Variants in ZNF385B observed in about 807,000 individuals in gnomAD.
ZNF385B encodes the protein zinc finger protein 533.
A neutral mutation model predicts 39.2 loss-of-function variants in ZNF385B; 23 were observed. That is an observed-to-expected ratio of 0.59 (90% CI 0.42 to 0.83). The LOEUF is 0.83. Among genes scored for constraint, ZNF385B ranks in the 40% least tolerant of loss-of-function variants. ZNF385B has a pLI of 0.00. For synonymous variants in ZNF385B, 205 were observed against 222.6 expected, an observed-to-expected ratio of 0.92 and a Z score of 0.70; for missense variants, 552 against 598.9, an observed-to-expected ratio of 0.92 and a Z score of 0.82.
At chr2:179,700,001 T>C (rs1427425508) in intron 3 of ZNF385B, among the ~76,000 whole-genome samples, 1 of 151,990 alleles carries the variant, frequency 6.6e-6, no homozygotes, top group Non-Finnish European at 1.5e-5. Flanking sequence ...TTCCCTGCTC[T>C]CTTCATTGAG....
intron 3 of ZNF385B, among the ~76,000 whole-genome samples, chr2:179,562,899 T>C (rs934062703): frequency 6.6e-6 from 1 of 152,216 alleles, no homozygotes. Context: ...ACTAAATCTT[T>C]TAAAATTGCT....
chr2:179,826,281 T>C (rs1308045395), intron 1 of ZNF385B, among the ~76,000 whole-genome samples: 1 of 152,130 alleles, frequency 6.6e-6, no homozygotes, highest in Non-Finnish European at 1.5e-5. Context: ...AGACTGATAG[T>C]GCTCTGTTTC....
rs183182984 is a variant in ZNF385B, at chr2:179,548,664, A to C, written c.299-3695T>G. On this transcript the variant is annotated intron_variant, in intron 3 of 9. Transcript: ENST00000410066. ...CATAGTGGAAGGCAAAGGAGGAGCA[A>C]AGACATGTCTCACATGGTGGCAGGC... 8.7e-5 allele frequency among the ~76,000 whole-genome samples: 13 copies of C among 149,476 alleles called. 1 individual carries two copies. In the East Asian group the frequency reaches 2.5e-3, roughly 29 times the overall value.
chr2:179,455,803 A>G (rs991744019), intron 6 of ZNF385B, among the ~76,000 whole-genome samples: 1 of 151,390 alleles, frequency 6.6e-6, no homozygotes, highest in Admixed American at 6.6e-5. Context: ...GAGGCAGGAG[A>G]ATCTCTTGAA....
chr2:179,801,119 G>A (rs1387652642), intron 1 of ZNF385B, among the ~76,000 whole-genome samples: 17 of 152,002 alleles, frequency 1.1e-4, no homozygotes, highest in Admixed American at 2.0e-4. Flanking sequence ...GTGCTTTTGT[G>A]TTTATTACCT....
chr2:179,697,538 TAC>T (rs1698859764), intron 3 of ZNF385B, among the ~76,000 whole-genome samples: 2 of 152,174 alleles, frequency 1.3e-5, no homozygotes, highest in Non-Finnish European at 2.9e-5. Context: ...CTTTATAAAT[TAC>T]ACAGTCTCGG....
At chr2:179,631,674 T>C (rs534698321) in intron 3 of ZNF385B, among the ~76,000 whole-genome samples, 4 of 152,178 alleles carry the variant, frequency 2.6e-5, no homozygotes, top group Non-Finnish European at 4.4e-5. Context: ...CATAACAATA[T>C]TAACCTTAAA....
intron 1 of ZNF385B, among the ~76,000 whole-genome samples, chr2:179,856,371 C>T (rs1684595836): frequency 6.6e-6 from 1 of 151,976 alleles, no homozygotes; most frequent in African/African-American, 2.4e-5. Context: ...ACGTGCAGAT[C>T]CCACATGGCA....
At chr2:179,468,373 T>A (rs2052350224) in intron 6 of ZNF385B, among the ~76,000 whole-genome samples, 1 of 152,206 alleles carries the variant, frequency 6.6e-6, no homozygotes, top group Non-Finnish European at 1.5e-5. Context: ...CTTCTCCGGG[T>A]TGAAAAACTG....
chr2:179,711,145 C>T (rs554664546), intron 3 of ZNF385B, among the ~76,000 whole-genome samples: 1 of 152,256 alleles, frequency 6.6e-6, no homozygotes, highest in Non-Finnish European at 1.5e-5. Context: ...CCAGGTGGAA[C>T]CTGAGCAATA....
At chr2:179,771,339 A>C (rs1011435389) in intron 1 of ZNF385B, among the ~76,000 whole-genome samples, 1 of 152,194 alleles carries the variant, frequency 6.6e-6, no homozygotes, top group African/African-American at 2.4e-5. Flanking sequence ...ATTCTAATGT[A>C]TAGTATGCCA....
intron 3 of ZNF385B, among the ~76,000 whole-genome samples, chr2:179,576,886 C>G (rs1314272773): frequency 6.6e-6 from 1 of 152,014 alleles, no homozygotes; most frequent in Non-Finnish European, 1.5e-5. Context: ...TCATCTTGTT[C>G]CAGGAATCTC....
chr2:179,765,033 T>A (rs1425500272), intron 3 of ZNF385B, among the ~76,000 whole-genome samples: 2 of 151,866 alleles, frequency 1.3e-5, no homozygotes, highest in Admixed American at 1.3e-4. Context: ...TATGCTGGAA[T>A]AACACCATTG....
intron 1 of ZNF385B, among the ~76,000 whole-genome samples, chr2:179,802,252 A>G (rs148035037): frequency 6.6e-6 from 1 of 152,106 alleles, no homozygotes; most frequent in East Asian, 1.9e-4. Flanking sequence ...ACTCTTCCTT[A>G]TGCATCCTGT....
intron 5 of ZNF385B, among the ~76,000 whole-genome samples, chr2:179,488,390 C>T (rs974068098): frequency 6.6e-6 from 1 of 152,166 alleles, no homozygotes; most frequent in East Asian, 1.9e-4. Flanking sequence ...GTGATCCGCC[C>T]GCCTCGGTCT....
intron 1 of ZNF385B, among the ~76,000 whole-genome samples, chr2:179,789,109 C>G (rs1705175126): frequency 6.6e-6 from 1 of 152,104 alleles, no homozygotes; most frequent in Non-Finnish European, 1.5e-5. Flanking sequence ...CATGTTCTCA[C>G]TTTCCCCATA....
At chr2:179,685,759 C>A (rs932115) in intron 3 of ZNF385B, among the ~76,000 whole-genome samples, 73,443 of 152,006 alleles carry the variant, frequency 0.48, 17,929 homozygotes, top group Admixed American at 0.54. Context: ...TGTGTACCTA[C>A]AACTTAATCA....
chr2:179,677,976 T>G (rs1344116372), intron 3 of ZNF385B, among the ~76,000 whole-genome samples: 1 of 152,166 alleles, frequency 6.6e-6, no homozygotes, highest in Non-Finnish European at 1.5e-5. Flanking sequence ...CTAGAGACCT[T>G]GCAGAATTAG....
chr2:179,629,510 A>G (rs916909318), intron 3 of ZNF385B, among the ~76,000 whole-genome samples: 1 of 152,206 alleles, frequency 6.6e-6, no homozygotes, highest in African/African-American at 2.4e-5. Context: ...AGTCTAAACA[A>G]TTTTTGGGGT....
Sources: allele counts gnomAD v4.1 joint callset (sites outside exome capture counted in the v4.1 genomes callset), GRCh38; gene constraint gnomAD v4.1.1; transcripts MANE v1.5; gene names NCBI Gene and HGNC (gene_info 2026-07-23, HGNC 2026-07-21).